The following P2RX5 variants were observed in gnomAD, a reference collection of about 807,000 sequenced individuals.
P2RX5 encodes P2X purinoceptor 5.
Under a neutral mutation model 54.1 loss-of-function variants are expected in P2RX5, and 46 were observed. That is an observed-to-expected ratio of 0.85 (90% CI 0.67 to 1.09). The LOEUF (loss-of-function observed/expected upper bound fraction) is 1.09. P2RX5 is among the 50% of genes least tolerant of loss of function. P2RX5 has a pLI of 0.00. For missense variants in P2RX5, 566 were observed against 549.8 expected, an observed-to-expected ratio of 1.03 and a Z score of -0.29; for synonymous variants, 226 against 226.4, an observed-to-expected ratio of 1.00 and a Z score of 0.02.
At chr17:3,677,314 A>G (rs2050127018) in intron 11 of P2RX5, 1 of 985,230 alleles carries the variant, frequency 1.0e-6, no homozygotes, top group Non-Finnish European at 1.2e-6. Context: ...TGTATCTCCC[A>G]TCTGGGCAGG....
chr17:3,714,083 G>A, the P2RX5 span, among the ~76,000 whole-genome samples: 4 of 144,258 alleles, frequency 2.8e-5, no homozygotes, highest in South Asian at 6.7e-4. Flanking sequence ...ACCTGCCACC[G>A]CACCCGGCTA....
chr17:3,688,019 T>C lies in P2RX5; in HGVS notation c.974A>G (p.Asn325Ser). The C allele has an allele frequency of 6.6e-7, 1 of 1,512,676 alleles. No homozygotes were observed. The highest frequency in any genetic ancestry group is 9.0e-7 in the Non-Finnish European group (1 of 1,107,732). 93.7% of individuals were successfully genotyped at this position (1,512,676 alleles called of 1,614,324 possible). Residue 325 changes from asparagine to serine, a missense_variant, in exon 9 of 12, where the codon AAC becomes AGC. Asn to Ser is a conservative substitution (Grantham distance 46, BLOSUM62 1). Coordinates refer to ENST00000225328, the MANE Select transcript of P2RX5 (RefSeq NM_002561.4). ...AYGIRFDVMV[N>S]GKGAFFCDLV... is the part of the protein sequence containing the mutation. ...AGGAGAAGGCACACGCACCTTGCCG[T>C]TCACCATCACGTCAAAGCGGATCCC...
At chr17:3,704,378 G>A in the P2RX5 span, among the ~76,000 whole-genome samples, 1 of 152,184 alleles carries the variant, frequency 6.6e-6, no homozygotes, top group Non-Finnish European at 1.5e-5. Flanking sequence ...GGGGTGGTAC[G>A]GGAAGAGTTT....
At position 3,690,916 on chromosome 17, in the gene P2RX5, C is replaced by T. The variant is rs370449796; in HGVS notation, c.360+40G>A. ...AGTAGACCCCAACCACTGCCGGTGG[C>T]TCTCCCACCCCCACGCCAGGGCCCC... On this transcript the variant is annotated intron_variant, in intron 3 of 11. Transcript: ENST00000225328. 29 of 1,557,238 alleles carry T rather than the reference C, an allele frequency of 1.9e-5. No homozygotes were observed. The East Asian group carries it at 4.7e-4, about 25-fold the overall frequency.
the P2RX5 span, among the ~76,000 whole-genome samples, chr17:3,708,971 A>G: frequency 5.3e-5 from 8 of 151,946 alleles, no homozygotes; most frequent in Admixed American, 2.0e-4. Context: ...CTTTTTTTTG[A>G]GACAGAGTCT....
At chr17:3,713,763 T>A in the P2RX5 span, among the ~76,000 whole-genome samples, 21 of 136,664 alleles carry the variant, frequency 1.5e-4, no homozygotes, top group East Asian at 2.1e-3. Context: ...AAAAAAAAAA[T>A]AAAGTAAAAT....
chr17:3,703,455 G>T, the P2RX5 span, among the ~76,000 whole-genome samples: 1 of 152,084 alleles, frequency 6.6e-6, no homozygotes, highest in Non-Finnish European at 1.5e-5. Context: ...TTGAGCCCAG[G>T]AGATTGAGGC....
the P2RX5 span, among the ~76,000 whole-genome samples, chr17:3,704,549 G>A: frequency 2.0e-5 from 3 of 152,232 alleles, no homozygotes; most frequent in African/African-American, 7.2e-5. Context: ...TCCTCTCTGT[G>A]GGAGGCACTT....
intron 3 of P2RX5, 52 bp from the exon 4 acceptor site, chr17:3,690,732 C>T (rs576844456): frequency 9.6e-6 from 15 of 1,566,706 alleles, no homozygotes; most frequent in East Asian, 4.5e-5. Flanking sequence ...AGCTCAGAGC[C>T]GGGTCCCACT....
Position 3,690,975 on chromosome 17 carries a change from C to T in P2RX5, c.341G>A (p.Arg114Gln), listed in dbSNP as rs374285444. ...VTNLIVTPNQ[R>Q]QNVCAENEGI... is the part of the protein sequence containing the mutation. ...TCAAACCTCAGCACAGACGTTCTGC[C>T]GCTGGTTGGGGGTCACAATCAGGTT... is the stretch of plus-strand genomic sequence containing the variant. Residue 114 changes from arginine (R) to glutamine (Q), a missense_variant, in exon 3 of 12, where the codon CGG (arginine) becomes CAG (glutamine). By Grantham distance (43) the Arg-to-Gln change is conservative (BLOSUM62 1). Transcript: ENST00000225328. 2.2e-5 allele frequency: 34 copies of T among 1,555,536 alleles called. 1 individual carries two copies. Among genetic ancestry groups the T allele is most frequent in the Middle Eastern group, 1.7e-4 (1 of 5,974 alleles).
chr17:3,678,340 G>A (rs1416415102), intron 11 of P2RX5, among the ~76,000 whole-genome samples: 1 of 152,256 alleles, frequency 6.6e-6, no homozygotes, highest in African/African-American at 2.4e-5. Context: ...GCCCCGGCAA[G>A]GAGTAGCAGC....
At chr17:3,705,208 A>G in the P2RX5 span, among the ~76,000 whole-genome samples, 544 of 152,292 alleles carry the variant, frequency 3.6e-3, 1 homozygote, top group Non-Finnish European at 6.4e-3. Flanking sequence ...TGGTGATGCA[A>G]TGAGAATGAG....
chr17:3,682,063 A>C, intron 9 of P2RX5, 85 bp from the exon 10 acceptor site: 1 of 891,660 alleles, frequency 1.1e-6, no homozygotes. Flanking sequence ...CCATCCTGCA[A>C]CAGCCCCTAA....
At chr17:3,706,990 A>G in the P2RX5 span, among the ~76,000 whole-genome samples, 1 of 152,230 alleles carries the variant, frequency 6.6e-6, no homozygotes, top group Non-Finnish European at 1.5e-5. Flanking sequence ...ATGTAAGCTC[A>G]TCACCACTTT....
intron 11 of P2RX5, 21 bp downstream of exon 11, chr17:3,679,569 T>C: frequency 6.2e-7 from 1 of 1,603,198 alleles, no homozygotes; most frequent in Non-Finnish European, 8.5e-7. Context: ...TGTCGGGCTC[T>C]CTGCCTAGCA....
intron 10 of P2RX5, among the ~76,000 whole-genome samples, chr17:3,681,685 C>A (rs1160193471): frequency 1.3e-5 from 2 of 152,206 alleles, no homozygotes; most frequent in African/African-American, 4.8e-5. Context: ...CTCCGTCTCC[C>A]GCCCTGTGGC....
chr17:3,694,040 G>T (rs1381659433), intron 1 of P2RX5, among the ~76,000 whole-genome samples: 1 of 151,540 alleles, frequency 6.6e-6, no homozygotes, highest in Non-Finnish European at 1.5e-5. Context: ...AAAGTGCTGG[G>T]GTTACAGGCA....
chr17:3,677,675 C>T, intron 11 of P2RX5: 2 of 985,308 alleles, frequency 2.0e-6, no homozygotes, highest in Non-Finnish European at 2.4e-6. Flanking sequence ...ACGCGGGCCC[C>T]TCTCCCTGAG....
upstream of P2RX5, among the ~76,000 whole-genome samples, chr17:3,699,505 C>T (rs1031500160): frequency 7.2e-5 from 11 of 151,794 alleles, no homozygotes; most frequent in Non-Finnish European, 1.2e-4. Flanking sequence ...GAGCAATTAT[C>T]GCAAATAAAT....
Sources: gnomAD v4.1 joint callset for allele counts (sites outside exome capture counted in the v4.1 genomes callset) on GRCh38, gnomAD v4.1.1 for gene constraint, MANE v1.5 for transcripts, NCBI Gene and HGNC (gene_info 2026-07-23, HGNC 2026-07-21) for gene names.